Variants in THRB observed in about 807,000 individuals in gnomAD.
The protein encoded by THRB is nuclear receptor subfamily 1 group A member 2.
Under a neutral mutation model 47.8 loss-of-function variants are expected in THRB, and 12 were observed. The observed-to-expected ratio is 0.25, with a 90% CI of 0.16 to 0.41. The LOEUF is 0.41. Ranked by LOEUF, THRB falls within the 10% of genes least tolerant of loss-of-function variation. The pLI, the probability that THRB is intolerant of heterozygous loss-of-function variation, is 1.00. For missense variants in THRB, 348 were observed against 589.2 expected, an observed-to-expected ratio of 0.59 and a Z score of 4.24; for synonymous variants, 218 against 212.2, an observed-to-expected ratio of 1.03 and a Z score of -0.24.
At chr3:24,398,303 A>C (rs922911764) in intron 1 of THRB, among the ~76,000 whole-genome samples, 10 of 152,322 alleles carry the variant, frequency 6.6e-5, no homozygotes, top group East Asian at 1.9e-4. Flanking sequence ...CAACCTACAG[A>C]ATGGGAGAAA....
chr3:24,348,328 T>C (rs2149514462), intron 1 of THRB, among the ~76,000 whole-genome samples: 2 of 152,168 alleles, frequency 1.3e-5, no homozygotes, highest in East Asian at 3.9e-4. Flanking sequence ...CTACAATAGA[T>C]TGTGAACACG....
intron 2 of THRB, among the ~76,000 whole-genome samples, chr3:24,310,693 C>A (rs1489230056): frequency 6.6e-6 from 1 of 152,168 alleles, no homozygotes; most frequent in Non-Finnish European, 1.5e-5. Flanking sequence ...TCTCAGTAGA[C>A]ATTTGGCAAT....
At chr3:24,462,489 T>C (rs1244837328) in intron 1 of THRB, among the ~76,000 whole-genome samples, 2 of 152,244 alleles carry the variant, frequency 1.3e-5, no homozygotes, top group Non-Finnish European at 2.9e-5. Flanking sequence ...GCCGAGGTCA[T>C]AGCCCTGTTC....
rs1560011027 is a variant in THRB at position 24,357,378 on chromosome 3, A to AAAAAAC, written c.-260-20008_-260-20007insGTTTTT. Among the ~76,000 whole-genome samples, 175 of 141,246 alleles carry AAAAAAC rather than the reference A, an allele frequency of 1.2e-3. 1 individual carries two copies. Among genetic ancestry groups the AAAAAAC allele is most frequent in the African/African-American group, 5.0e-3 (167 of 33,678 alleles). 92.7% of individuals were successfully genotyped at this position (141,246 alleles called of 152,430 possible). A position where few individuals can be genotyped will look rare whatever the true frequency, so the allele number is the denominator to read the frequency against. On this transcript the variant is annotated intron_variant, in intron 1 of 10. Transcript: ENST00000646209. ...AAAAAAAAAAAAAAAAAAAAAACAAAAAACAAACAAACAAAAAAACACCAA... is the reference window on the plus strand; with the variant it reads ...AAAAAAAAAAAAAAAAAAAAAACAAAAAAAACAAACAAACAAACAAAAAAACACCAA...
chr3:24,345,540 AG>A (rs1483576893), intron 1 of THRB, among the ~76,000 whole-genome samples: 1 of 152,192 alleles, frequency 6.6e-6, no homozygotes, highest in Non-Finnish European at 1.5e-5. Context: ...GTTCCGTAAT[AG>A]GACAATAACA....
chr3:24,458,385 A>G (rs2073381906), intron 1 of THRB: 1 of 152,200 alleles, frequency 6.6e-6, no homozygotes, highest in Admixed American at 6.5e-5. Flanking sequence ...AAATGCTTAC[A>G]GAAGACTGCA....
chr3:24,369,732 G>C (rs955773926), intron 1 of THRB, among the ~76,000 whole-genome samples: 1 of 152,116 alleles, frequency 6.6e-6, no homozygotes. Flanking sequence ...GAATATTCTA[G>C]GTTGTCACAC....
chr3:24,190,225 C>T lies in THRB; in HGVS notation c.132G>A (p.Glu44=). 6.2e-7 allele frequency: 1 copy of T among 1,614,086 alleles called. No homozygotes were observed. The highest frequency in any genetic ancestry group is 8.5e-7 in the Non-Finnish European group (1 of 1,179,990). The change falls in exon 5 of 11, where the codon GAG becomes GAA. Residue 44 remains glutamate, a synonymous_variant. Coordinates refer to ENST00000646209, the MANE Select transcript of THRB (RefSeq NM_001354712.2). The part of the protein sequence containing the change: ...EACLHRKSHS[E]RRSTLKNEQS... ...GTTCATTTTTCAACGTGCTGCGCCT[C>T]TCTGAATGGCTCTTCCTATGTAGGC...
chr3:24,336,138 CA>C (rs1173125982), intron 2 of THRB, among the ~76,000 whole-genome samples: 2 of 152,202 alleles, frequency 1.3e-5, no homozygotes, highest in Admixed American at 1.3e-4. Context: ...CTATAAATTA[CA>C]AATAGTGTTT....
intron 5 of THRB, among the ~76,000 whole-genome samples, chr3:24,178,668 G>A (rs1175346319): frequency 6.6e-6 from 1 of 152,132 alleles, no homozygotes; most frequent in Non-Finnish European, 1.5e-5. Context: ...AATAGGCCAG[G>A]CACAGAAAGA....
chr3:24,261,690 C>T (rs1304121439), intron 3 of THRB, among the ~76,000 whole-genome samples: 7 of 152,092 alleles, frequency 4.6e-5, no homozygotes, highest in Non-Finnish European at 1.0e-4. Flanking sequence ...TCAAAACTGT[C>T]TGAGTTAAGC....
intron 1 of THRB, among the ~76,000 whole-genome samples, chr3:24,407,245 G>T (rs1327113588): frequency 6.6e-6 from 1 of 151,778 alleles, no homozygotes; most frequent in Non-Finnish European, 1.5e-5. Flanking sequence ...ACGACCCTTT[G>T]CTGATTCCAT....
intron 3 of THRB, among the ~76,000 whole-genome samples, chr3:24,266,616 G>A (rs1038980497): frequency 7.2e-5 from 11 of 152,112 alleles, no homozygotes; most frequent in Admixed American, 1.3e-4. Flanking sequence ...GAAGGGACTC[G>A]GGTTTAGCAC....
At chr3:24,346,792 AAC>A (rs2063046722) in intron 1 of THRB, among the ~76,000 whole-genome samples, 1 of 152,062 alleles carries the variant, frequency 6.6e-6, no homozygotes, top group Non-Finnish European at 1.5e-5. Flanking sequence ...ACATTGCTAG[AAC>A]TAGAAAAAGA....
intron 1 of THRB, among the ~76,000 whole-genome samples, chr3:24,432,530 A>T (rs1266928944): frequency 1.3e-5 from 2 of 152,108 alleles, no homozygotes; most frequent in Non-Finnish European, 2.9e-5. Context: ...AATATATTTT[A>T]TGAGAAGTAT....
intron 4 of THRB, among the ~76,000 whole-genome samples, chr3:24,200,576 C>T (rs2044473689): frequency 1.3e-5 from 2 of 152,162 alleles, no homozygotes; most frequent in Admixed American, 6.5e-5. Context: ...CTAGTGTTAG[C>T]AGAGTAACAT....
At chr3:24,191,367 A>G (rs1403440945) in intron 4 of THRB, among the ~76,000 whole-genome samples, 1 of 143,262 alleles carries the variant, frequency 7.0e-6, no homozygotes, top group Non-Finnish European at 1.5e-5. Context: ...TAGAAAAAAT[A>G]TAATATAAAT....
At chr3:24,192,783 CTGAGATGGTTTGGG>C (rs1253637854) in intron 4 of THRB, among the ~76,000 whole-genome samples, 1 of 152,086 alleles carries the variant, frequency 6.6e-6, no homozygotes, top group Non-Finnish European at 1.5e-5. Context: ...AGAAAAGCAG[CTGAGATGGTTTGGG>C]AAAAGGGCTT....
chr3:24,152,211 A>T (rs1236732251), intron 6 of THRB, among the ~76,000 whole-genome samples, 179 bp downstream of exon 6: 2 of 152,236 alleles, frequency 1.3e-5, no homozygotes, highest in South Asian at 2.1e-4. Context: ...TGGGAAAAAA[A>T]TTCAGTTCTT....
Sources: gnomAD v4.1 joint callset for allele counts (sites outside exome capture counted in the v4.1 genomes callset) on GRCh38, gnomAD v4.1.1 for gene constraint, MANE v1.5 for transcripts, NCBI Gene and HGNC (gene_info 2026-07-23, HGNC 2026-07-21) for gene names.